The following LINGO2 variants were observed in gnomAD, a reference collection of about 807,000 sequenced individuals.
LINGO2 encodes the protein leucine rich repeat and Ig domain containing 2.
In LINGO2, 14 loss-of-function variants were observed where a neutral mutation model predicts 30.6. That is an observed-to-expected ratio of 0.46 (90% CI 0.30 to 0.72). LINGO2 has a LOEUF of 0.72. Ranked by LOEUF, LINGO2 falls within the 30% of genes least tolerant of loss-of-function variation. LINGO2 has a pLI of 0.07. For synonymous variants in LINGO2, 317 were observed against 288.5 expected (o/e 1.10, Z -1.00); for missense variants, 729 against 751.7 (o/e 0.97, Z 0.35).
intron 1 of LINGO2, among the ~76,000 whole-genome samples, chr9:28,489,840 G>A (rs1332924425): frequency 7.4e-6 from 1 of 134,880 alleles, no homozygotes; most frequent in Non-Finnish European, 1.5e-5. Flanking sequence ...AGAGGTTGCA[G>A]TTAGCCGAGA....
At chr9:28,347,733 C>A (rs77451900) in intron 3 of LINGO2, among the ~76,000 whole-genome samples, 20 of 152,082 alleles carry the variant, frequency 1.3e-4, no homozygotes, top group Admixed American at 2.0e-4. Context: ...ATTACCCAGG[C>A]GTCATTATTA....
intron 1 of LINGO2, among the ~76,000 whole-genome samples, chr9:28,477,670 A>G (rs1023803988): frequency 1.3e-5 from 2 of 152,176 alleles, no homozygotes; most frequent in Non-Finnish European, 2.9e-5. Context: ...AATTGAAGCT[A>G]CCATCATCTA....
At chr9:28,598,430 A>C (rs12352798) in intron 1 of LINGO2, among the ~76,000 whole-genome samples, 88 of 132,704 alleles carry the variant, frequency 6.6e-4, no homozygotes, top group South Asian at 2.0e-3. Context: ...AAAAAAAAAA[A>C]AAAACAAAAC....
At chr9:29,181,980 A>G in the LINGO2 span, among the ~76,000 whole-genome samples, 1 of 152,220 alleles carries the variant, frequency 6.6e-6, no homozygotes, top group Non-Finnish European at 1.5e-5. Context: ...GTCTCTGTGA[A>G]TAACACCCCC....
At chr9:28,966,908 G>A in the LINGO2 span, among the ~76,000 whole-genome samples, 1 of 151,970 alleles carries the variant, frequency 6.6e-6, no homozygotes, top group African/African-American at 2.4e-5. Flanking sequence ...CCCACTTACT[G>A]ATGCATAAAA....
chr9:28,579,072 G>C (rs201217826), intron 1 of LINGO2, among the ~76,000 whole-genome samples: 1 of 104,026 alleles, frequency 9.6e-6, no homozygotes, highest in Non-Finnish European at 2.2e-5. Flanking sequence ...TTTTTTTTTT[G>C]TTTCTACAGC....
chr9:28,077,725 C>T (rs1416890353), intron 4 of LINGO2, among the ~76,000 whole-genome samples: 1 of 148,254 alleles, frequency 6.7e-6, no homozygotes. Flanking sequence ...AAAACCCACT[C>T]CAATGTTATC....
At chr9:29,066,470 A>G in the LINGO2 span, among the ~76,000 whole-genome samples, 1 of 152,014 alleles carries the variant, frequency 6.6e-6, no homozygotes, top group Non-Finnish European at 1.5e-5. Flanking sequence ...AGTGTTTTGC[A>G]TTGCAAGCAT....
intron 4 of LINGO2, among the ~76,000 whole-genome samples, chr9:28,291,981 A>C (rs2134171103): frequency 6.6e-6 from 1 of 152,304 alleles, no homozygotes; most frequent in African/African-American, 2.4e-5. Flanking sequence ...GATCAGAAAC[A>C]ACCAAGGCAG....
At chr9:28,162,931 A>T (rs1030108876) in intron 4 of LINGO2, among the ~76,000 whole-genome samples, 1 of 152,198 alleles carries the variant, frequency 6.6e-6, no homozygotes, top group African/African-American at 2.4e-5. Context: ...CAGAAGTCTG[A>T]TACTAACTTT....
intron 4 of LINGO2, among the ~76,000 whole-genome samples, chr9:28,031,758 G>A (rs186930970): frequency 4.6e-5 from 7 of 152,320 alleles, no homozygotes; most frequent in Admixed American, 3.9e-4. Context: ...CTCCCTTTCA[G>A]TGCTGTATGG....
intron 3 of LINGO2, among the ~76,000 whole-genome samples, chr9:28,339,258 A>C (rs536350004): frequency 4.3e-4 from 62 of 143,162 alleles, no homozygotes; most frequent in African/African-American, 1.3e-3. Flanking sequence ...ACTACTACTA[A>C]TAATAACAGT....
chr9:29,076,793 C>T, the LINGO2 span, among the ~76,000 whole-genome samples: 9 of 151,776 alleles, frequency 5.9e-5, no homozygotes, highest in African/African-American at 2.2e-4. Flanking sequence ...CTTAACTTTT[C>T]TATGCCTCAG....
At chr9:28,481,127 G>C (rs1007006166) in intron 1 of LINGO2, among the ~76,000 whole-genome samples, 1 of 152,070 alleles carries the variant, frequency 6.6e-6, no homozygotes, top group African/African-American at 2.4e-5. Flanking sequence ...TGGGCTCAAA[G>C]TCTTCAAATG....
chr9:29,025,030 A>C, the LINGO2 span, among the ~76,000 whole-genome samples: 1 of 152,144 alleles, frequency 6.6e-6, no homozygotes, highest in Non-Finnish European at 1.5e-5. Context: ...AAAAGAACAC[A>C]AACTACAATT....
intron 1 of LINGO2, among the ~76,000 whole-genome samples, chr9:28,506,399 C>CAT (rs371821368): frequency 9.9e-4 from 26 of 26,152 alleles, no homozygotes; most frequent in African/African-American, 2.0e-3. Context: ...GCTTCTTAGA[C>CAT]ATATATATAT....
chr9:29,173,355 C>T, the LINGO2 span, among the ~76,000 whole-genome samples: 1 of 152,076 alleles, frequency 6.6e-6, no homozygotes, highest in Non-Finnish European at 1.5e-5. Flanking sequence ...AATAGACATG[C>T]TTCCTTTTAT....
Position 28,496,042 on chromosome 9 carries a change from C to T in LINGO2, c.-364-20017G>A, listed in dbSNP as rs190703231. On this transcript the variant is annotated intron_variant, in intron 1 of 5. Coordinates refer to ENST00000379992, the Ensembl canonical transcript of LINGO2. Reference sequence around the variant, plus strand: ...CTGAGAGACAGTTTGTTATAATTTCCATTCTTTTACATTTGCTGAGGAGTG... The same window carrying T: ...CTGAGAGACAGTTTGTTATAATTTCTATTCTTTTACATTTGCTGAGGAGTG... Among the ~76,000 whole-genome samples, 1,396 of 147,932 alleles carry T rather than the reference C, an allele frequency of 9.4e-3. 27 individuals carry two copies. Among genetic ancestry groups the T allele is most frequent in the East Asian group, 0.037 (170 of 4,626 alleles).
At chr9:28,528,081 C>T (rs955505857) in intron 1 of LINGO2, among the ~76,000 whole-genome samples, 3 of 152,136 alleles carry the variant, frequency 2.0e-5, no homozygotes, top group Non-Finnish European at 4.4e-5. Context: ...TGCAATGTGT[C>T]AGCAAGGGAC....
Sources: gnomAD v4.1 joint callset for allele counts (sites outside exome capture counted in the v4.1 genomes callset) on GRCh38, gnomAD v4.1.1 for gene constraint, MANE v1.5 for transcripts, NCBI Gene and HGNC (gene_info 2026-07-23, HGNC 2026-07-21) for gene names.